Variants in SMYD3 observed in about 807,000 individuals in gnomAD.
SMYD3 encodes the protein histone-lysine N-methyltransferase SMYD3.
Under a neutral mutation model 57.7 loss-of-function variants are expected in SMYD3, and 36 were observed. The ratio of observed to expected loss-of-function variants is 0.62; its 90% CI spans 0.48 to 0.82. The LOEUF (loss-of-function observed/expected upper bound fraction) is 0.82, where lower values mean the gene tolerates loss of function less well. Among genes scored for constraint, SMYD3 ranks in the 40% least tolerant of loss-of-function variants. The probability of loss-of-function intolerance (pLI) is 0.00; values close to 1 mark genes in which losing one functional copy is unlikely to be tolerated. For synonymous variants in SMYD3, 211 were observed against 195.0 expected, an observed-to-expected ratio of 1.08 and a Z score of -0.68; for missense variants, 515 against 538.8, an observed-to-expected ratio of 0.96 and a Z score of 0.44.
At chr1:245,864,315 T>G (rs1335492179) in intron 8 of SMYD3, among the ~76,000 whole-genome samples, 2 of 152,174 alleles carry the variant, frequency 1.3e-5, no homozygotes, top group African/African-American at 4.8e-5. Context: ...TCACAAATAT[T>G]CACAGCAGCA....
At chr1:246,036,264 G>A (rs1372279307) in intron 5 of SMYD3, among the ~76,000 whole-genome samples, 1 of 152,158 alleles carries the variant, frequency 6.6e-6, no homozygotes, top group Admixed American at 6.5e-5. Context: ...AGAATTTTGA[G>A]ATGTTTCTCA....
At chr1:246,225,571 G>A (rs1426969576) in intron 5 of SMYD3, among the ~76,000 whole-genome samples, 1 of 152,118 alleles carries the variant, frequency 6.6e-6, no homozygotes, top group Non-Finnish European at 1.5e-5. Context: ...AGGAGAGCGA[G>A]CCCGCACCAG....
At chr1:246,380,015 A>AAAAG (rs566470844) in intron 1 of SMYD3, among the ~76,000 whole-genome samples, 126 of 151,562 alleles carry the variant, frequency 8.3e-4, no homozygotes, top group Non-Finnish European at 1.0e-3. Flanking sequence ...CTCAAAAAAA[A>AAAAG]AAAGAAAGAA....
intron 1 of SMYD3, among the ~76,000 whole-genome samples, chr1:246,418,705 C>T (rs1050088890): frequency 3.3e-5 from 5 of 152,078 alleles, no homozygotes; most frequent in African/African-American, 1.2e-4. Context: ...CGGAGTCGGG[C>T]GCTCGGTGAC....
At chr1:246,349,612 A>C (rs2065788769) in intron 2 of SMYD3, among the ~76,000 whole-genome samples, 1 of 152,086 alleles carries the variant, frequency 6.6e-6, no homozygotes, top group South Asian at 2.1e-4. Context: ...CATTTCTAAA[A>C]CAATTTTTTT....
At chr1:246,399,273 C>T (rs964298754) in intron 1 of SMYD3, among the ~76,000 whole-genome samples, 11 of 152,132 alleles carry the variant, frequency 7.2e-5, no homozygotes, top group African/African-American at 2.4e-4. Context: ...ATCCACCTGC[C>T]TCGGCCTCCC....
intron 10 of SMYD3, among the ~76,000 whole-genome samples, chr1:245,776,022 A>G (rs2046574453): frequency 6.6e-6 from 1 of 152,188 alleles, no homozygotes; most frequent in South Asian, 2.1e-4. Flanking sequence ...AAAATACACA[A>G]CAATTATAGC....
intron 4 of SMYD3, among the ~76,000 whole-genome samples, chr1:246,328,146 A>G (rs1390302860): frequency 1.3e-5 from 2 of 152,304 alleles, no homozygotes; most frequent in East Asian, 3.9e-4. Flanking sequence ...GTGAGCCAAC[A>G]TCGCGCCACT....
chr1:245,854,056 C>T (rs1010420844), intron 10 of SMYD3, among the ~76,000 whole-genome samples: 9 of 152,162 alleles, frequency 5.9e-5, no homozygotes, highest in African/African-American at 1.9e-4. Flanking sequence ...AAGTGTCATT[C>T]CCACCAGCAC....
intron 8 of SMYD3, among the ~76,000 whole-genome samples, chr1:245,877,654 G>C: frequency 6.6e-6 from 1 of 152,244 alleles, no homozygotes; most frequent in East Asian, 1.9e-4. Flanking sequence ...AGTCTGTGGA[G>C]AGTAGAGGAT....
chr1:246,067,283 G>A (rs1401540945), intron 5 of SMYD3, among the ~76,000 whole-genome samples: 2 of 152,194 alleles, frequency 1.3e-5, no homozygotes, highest in Non-Finnish European at 2.9e-5. Flanking sequence ...GCCAGTGGGG[G>A]AGAATGGTTT....
At chr1:245,847,609 G>A (rs1044603617) in intron 10 of SMYD3, among the ~76,000 whole-genome samples, 31 of 151,998 alleles carry the variant, frequency 2.0e-4, no homozygotes, top group Non-Finnish European at 3.4e-4. Context: ...TCTCTTCCAC[G>A]AGGTGAGAAA....
intron 5 of SMYD3, among the ~76,000 whole-genome samples, chr1:245,942,759 G>A (rs1246261058): frequency 6.6e-6 from 1 of 152,128 alleles, no homozygotes; most frequent in African/African-American, 2.4e-5. Flanking sequence ...ATCAGCAAAT[G>A]CAAAATAACT....
At chr1:246,071,099 T>C (rs2060434470) in intron 5 of SMYD3, among the ~76,000 whole-genome samples, 1 of 152,206 alleles carries the variant, frequency 6.6e-6, no homozygotes. Context: ...CACTGGAGTA[T>C]AGAATGTCAA....
intron 10 of SMYD3, among the ~76,000 whole-genome samples, chr1:245,817,312 T>C (rs1371328681): frequency 1.4e-5 from 2 of 144,114 alleles, no homozygotes; most frequent in African/African-American, 5.3e-5. Context: ...GGCAGGGTAT[T>C]CCAACAGCCC....
intron 5 of SMYD3, among the ~76,000 whole-genome samples, chr1:246,031,143 A>G (rs2148262464): frequency 6.6e-6 from 1 of 152,226 alleles, no homozygotes. Context: ...TTTTATCTGT[A>G]TGTTTCTAGC....
intron 8 of SMYD3, among the ~76,000 whole-genome samples, chr1:245,881,291 C>A (rs1033491869): frequency 6.6e-6 from 1 of 152,148 alleles, no homozygotes; most frequent in Admixed American, 6.5e-5. Flanking sequence ...ATGATGATAA[C>A]TGGAAATATA....
intron 1 of SMYD3, among the ~76,000 whole-genome samples, chr1:246,369,980 AC>A (rs2148728820): frequency 6.6e-6 from 1 of 152,330 alleles, no homozygotes; most frequent in South Asian, 2.1e-4. Flanking sequence ...TAGGAGAAAC[AC>A]AAGCACCTTA....
At chr1:246,282,636 T>G (rs1344700810) in intron 5 of SMYD3, among the ~76,000 whole-genome samples, 3 of 152,126 alleles carry the variant, frequency 2.0e-5, no homozygotes, top group Non-Finnish European at 4.4e-5. Context: ...TTCAGACAGA[T>G]GAAGATAAAT....
Sources: allele counts gnomAD v4.1 joint callset (sites outside exome capture counted in the v4.1 genomes callset), GRCh38; gene constraint gnomAD v4.1.1; transcripts MANE v1.5; gene names NCBI Gene and HGNC (gene_info 2026-07-23, HGNC 2026-07-21).